CD28: variants seen among roughly 807,000 people sequenced by gnomAD.
CD28 encodes the protein CD28 molecule, also known as T-cell-specific surface glycoprotein CD28.
In CD28, 8 loss-of-function variants were observed where a neutral mutation model predicts 21.4. The observed-to-expected ratio is 0.37, with a 90% CI of 0.22 to 0.68. The LOEUF (loss-of-function observed/expected upper bound fraction) is 0.68. CD28 is among the 30% of genes least tolerant of loss of function. The probability of loss-of-function intolerance (pLI) is 0.55; values close to 1 mark genes in which losing one functional copy is unlikely to be tolerated. For missense variants in CD28, 239 were observed against 272.2 expected (o/e 0.88, Z 0.86); for synonymous variants, 106 against 104.0 (o/e 1.02, Z -0.12).
chr2:203,713,975 A>G lies in CD28; in HGVS notation c.52+7227A>G, dbSNP rs185991049. Among the ~76,000 whole-genome samples the G allele has an allele frequency of 3.6e-4, 55 of 151,768 alleles. 1 individual carries two copies. Among genetic ancestry groups the G allele is most frequent in the Non-Finnish European group, 5.6e-4 (38 of 67,916 alleles). ...GAAAGGAGGAGGAGGGAGAGGAAAA[A>G]AAGAGGGTGGGGATAGTTTTCTCAA... On this transcript the variant is annotated intron_variant, in intron 1 of 3. Coordinates refer to ENST00000324106, the MANE Select transcript of CD28 (RefSeq NM_006139.4).
At chr2:203,727,206 G>A (rs553491153) in intron 2 of CD28, among the ~76,000 whole-genome samples, 4 of 152,098 alleles carry the variant, frequency 2.6e-5, no homozygotes, top group East Asian at 1.9e-4. Flanking sequence ...GACATTGAGC[G>A]GGAGAGTAAG....
chr2:203,711,823 G>C (rs1432942602), intron 1 of CD28, among the ~76,000 whole-genome samples: 1 of 152,172 alleles, frequency 6.6e-6, no homozygotes, highest in Non-Finnish European at 1.5e-5. Flanking sequence ...AGTTCTGATG[G>C]AAGTGTATCT....
chr2:203,723,210 C>T (rs1465760112), intron 1 of CD28, among the ~76,000 whole-genome samples: 2 of 152,116 alleles, frequency 1.3e-5, no homozygotes, highest in South Asian at 2.1e-4. Flanking sequence ...TGAGAGAAAA[C>T]ATTTACAAAT....
chr2:203,724,131 A>T (rs1581510366), intron 1 of CD28, among the ~76,000 whole-genome samples: 1 of 152,340 alleles, frequency 6.6e-6, no homozygotes, highest in East Asian at 1.9e-4. Context: ...ACGAGACACA[A>T]AAAGCCACAT....
intron 1 of CD28, 99 bp from the exon 2 acceptor site, chr2:203,726,534 T>G: frequency 1.2e-6 from 1 of 812,330 alleles, no homozygotes; most frequent in Non-Finnish European, 2.0e-6. Flanking sequence ...AAACCTTTGC[T>G]GGAGATCTGT....
intron 1 of CD28, among the ~76,000 whole-genome samples, chr2:203,722,700 G>A (rs578015258): frequency 1.3e-4 from 20 of 152,352 alleles, no homozygotes; most frequent in African/African-American, 4.8e-4. Context: ...AACAAGAGTT[G>A]TTTAAAAGGT....
At position 203,738,758 on chromosome 2, in the gene CD28, C is replaced by T. The variant is rs754628667; in HGVS notation, c.*3846C>T. Reference sequence around the variant, plus strand: ...GTCTGCTTTCCTTGCTTATTTTTCTCCATAGCATTTTACCATCTCTTACAT... The same window carrying T: ...GTCTGCTTTCCTTGCTTATTTTTCTTCATAGCATTTTACCATCTCTTACAT... On this transcript the variant is annotated 3_prime_UTR_variant, in exon 4 of 4. Coordinates refer to ENST00000324106, the MANE Select transcript of CD28 (RefSeq NM_006139.4). 1.3e-5 allele frequency: 2 copies of T among 152,140 alleles called. No homozygotes were observed. Among genetic ancestry groups the T allele is most frequent in the Non-Finnish European group, 1.5e-5 (1 of 68,022 alleles). 9.4% of individuals were successfully genotyped at this position (152,140 alleles called of 1,614,324 possible).
At chr2:203,728,400 G>A (rs993753420) in intron 2 of CD28, among the ~76,000 whole-genome samples, 20 of 152,326 alleles carry the variant, frequency 1.3e-4, no homozygotes, top group African/African-American at 4.8e-4. Flanking sequence ...GGTATACTTT[G>A]TGGATATATC....
At chr2:203,726,606 TA>T in intron 1 of CD28, 26 bp from the exon 2 acceptor site, 1 of 1,538,748 alleles carries the variant, frequency 6.5e-7, no homozygotes, top group Non-Finnish European at 8.9e-7. Flanking sequence ...ATTCTTGTTC[TA>T]AGCAAATGAT....
At chr2:203,720,426 A>T (rs1693576618) in intron 1 of CD28, among the ~76,000 whole-genome samples, 1 of 152,254 alleles carries the variant, frequency 6.6e-6, no homozygotes, top group South Asian at 2.1e-4. Context: ...TGACCTAGGT[A>T]GACCTTACCT....
rs1694027468 is a variant in CD28 at position 203,736,113 on chromosome 2, T to A, written c.*1201T>A. On this transcript the variant is annotated 3_prime_UTR_variant, in exon 4 of 4. Transcript: ENST00000324106. ...CATTCCAATCAGACCAGGTAGGAGC[T>A]TTCCTGTTTCATATGTTTCAGGGTT... is the stretch of plus-strand genomic sequence containing the variant. The A allele has an allele frequency of 6.5e-6, 1 of 152,674 alleles. No individual in the cohort carries two copies. Among genetic ancestry groups the A allele is most frequent in the African/African-American group, 2.4e-5 (1 of 41,446 alleles). 9.5% of individuals were successfully genotyped at this position (152,674 alleles called of 1,614,324 possible). A position where few individuals can be genotyped will look rare whatever the true frequency, so the allele number is the denominator to read the frequency against.
At chr2:203,720,631 T>C (rs1693582511) in intron 1 of CD28, among the ~76,000 whole-genome samples, 1 of 152,218 alleles carries the variant, frequency 6.6e-6, no homozygotes, top group South Asian at 2.1e-4. Context: ...ATTTGTAATA[T>C]GTCCTTACAT....
At chr2:203,729,894 C>T (rs1186164304) in intron 3 of CD28, 122 bp downstream of exon 3, 1 of 1,013,908 alleles carries the variant, frequency 9.9e-7, no homozygotes, top group Admixed American at 2.4e-5. Flanking sequence ...TTTCTTTTCC[C>T]CATGCTTGAG....
At chr2:203,708,251 T>G (rs560357874) in intron 1 of CD28, among the ~76,000 whole-genome samples, 12 of 152,200 alleles carry the variant, frequency 7.9e-5, no homozygotes, top group Non-Finnish European at 1.5e-4. Context: ...ATTGTGTATA[T>G]TTATAAAACG....
chr2:203,709,889 T>G (rs1398254685), intron 1 of CD28, among the ~76,000 whole-genome samples: 1 of 152,216 alleles, frequency 6.6e-6, no homozygotes, highest in African/African-American at 2.4e-5. Context: ...AATGGCCAGT[T>G]TGGACAAAGC....
chr2:203,730,348 C>G (rs567365534), intron 3 of CD28, among the ~76,000 whole-genome samples: 1 of 152,204 alleles, frequency 6.6e-6, no homozygotes, highest in African/African-American at 2.4e-5. Context: ...TCTGAGCTCT[C>G]ACCACTGAAT....
Position 203,726,998 on chromosome 2 carries a change from C to T in CD28, c.409+9C>T. 1 of 1,493,748 alleles carries T rather than the reference C, an allele frequency of 6.7e-7. No homozygotes were observed. The highest frequency in any genetic ancestry group is 9.3e-7 in the Non-Finnish European group (1 of 1,072,298). The allele number at this position is 1,493,748 out of a possible 1,614,324, so 92.5% of individuals were successfully genotyped here. On this transcript the variant is annotated intron_variant, in intron 2 of 3. Coordinates refer to ENST00000324106, the MANE Select transcript of CD28 (RefSeq NM_006139.4). Reference sequence around the variant, plus strand: ...CATTATCCATGTGAAAGGTAACATACAACTTTACCAGTGTACCACCCTAAA... The same window carrying T: ...CATTATCCATGTGAAAGGTAACATATAACTTTACCAGTGTACCACCCTAAA...
At chr2:203,711,976 G>A (rs1693325733) in intron 1 of CD28, among the ~76,000 whole-genome samples, 1 of 152,186 alleles carries the variant, frequency 6.6e-6, no homozygotes, top group African/African-American at 2.4e-5. Flanking sequence ...CAGATCACCT[G>A]AGGTCAGAAG....
intron 1 of CD28, among the ~76,000 whole-genome samples, chr2:203,709,194 A>G (rs1693247871): frequency 6.6e-6 from 1 of 152,080 alleles, no homozygotes; most frequent in Admixed American, 6.6e-5. Context: ...CACACCTTCC[A>G]TTAAGAAATT....
Sources: gnomAD v4.1 joint callset for allele counts (sites outside exome capture counted in the v4.1 genomes callset) on GRCh38, gnomAD v4.1.1 for gene constraint, MANE v1.5 for transcripts, NCBI Gene and HGNC (gene_info 2026-07-23, HGNC 2026-07-21) for gene names.